The following FAAH2 variants were observed in gnomAD, a reference collection of about 807,000 sequenced individuals.
FAAH2 encodes fatty acid amide hydrolase 2.
In FAAH2, 60 loss-of-function variants were observed where a neutral mutation model predicts 36.9. The observed-to-expected ratio is 1.63, with a 90% confidence interval of 1.32 to 2.02. The LOEUF (loss-of-function observed/expected upper bound fraction) is 2.02. Ranked by LOEUF, FAAH2 falls within the 30% of genes most tolerant of loss-of-function variation. FAAH2 has a pLI of 0.00. For missense variants in FAAH2, 689 were observed against 397.5 expected, an observed-to-expected ratio of 1.73 and a Z score of -6.23; for synonymous variants, 214 against 143.8, an observed-to-expected ratio of 1.49 and a Z score of -3.49.
At chrX:57,486,424 A>G (rs2057475277) in intron 10 of FAAH2, among the ~76,000 whole-genome samples, 1 of 111,595 alleles carries the variant, frequency 9.0e-6, no homozygotes, top group East Asian at 2.8e-4. Flanking sequence ...TACATAAGGA[A>G]GCTGGCTAGG....
At chrX:57,253,830 T>C in the FAAH2 span, among the ~76,000 whole-genome samples, 2 of 111,762 alleles carry the variant, frequency 1.8e-5, no homozygotes, top group Non-Finnish European at 3.8e-5. Context: ...TGCCAAATTG[T>C]AAAGACCATC....
intron 8 of FAAH2, among the ~76,000 whole-genome samples, chrX:57,433,979 A>G (rs2056357665): frequency 8.9e-6 from 1 of 112,039 alleles, no homozygotes; most frequent in Middle Eastern, 4.6e-3. Flanking sequence ...TCAAATTAAA[A>G]CAATAATTCT....
At chrX:57,146,063 C>T in the FAAH2 span, among the ~76,000 whole-genome samples, 3 of 106,897 alleles carry the variant, frequency 2.8e-5, no homozygotes, top group Non-Finnish European at 5.8e-5. Flanking sequence ...TTTTTTGGTT[C>T]CATATGAATT....
At chrX:57,417,893 C>T (rs1361824540) in intron 7 of FAAH2, among the ~76,000 whole-genome samples, 1 of 112,025 alleles carries the variant, frequency 8.9e-6, no homozygotes, top group Admixed American at 9.5e-5. Flanking sequence ...AAGCTGCTGA[C>T]TGGGGCTGTT....
chrX:57,150,054 A>G, the FAAH2 span, among the ~76,000 whole-genome samples: 1 of 112,105 alleles, frequency 8.9e-6, no homozygotes, highest in Non-Finnish European at 1.9e-5. Flanking sequence ...TTCAGTTTAC[A>G]TGTAGTTGAA....
At chrX:57,171,101 A>G in the FAAH2 span, among the ~76,000 whole-genome samples, 1 of 111,069 alleles carries the variant, frequency 9.0e-6, no homozygotes, top group Admixed American at 9.6e-5. Flanking sequence ...TTCTTTTTTT[A>G]TGGTTGAGTA....
At chrX:57,206,972 T>C in the FAAH2 span, among the ~76,000 whole-genome samples, 1 of 111,850 alleles carries the variant, frequency 8.9e-6, no homozygotes. Context: ...GTGGCCATCA[T>C]TCTATGCAAA....
intron 7 of FAAH2, among the ~76,000 whole-genome samples, chrX:57,413,412 A>G (rs1002654262): frequency 8.9e-6 from 1 of 112,128 alleles, no homozygotes; most frequent in South Asian, 3.7e-4. Context: ...AGGTGTAAGT[A>G]AGGAGTCCAG....
chrX:57,419,747 T>C (rs1208862516), intron 7 of FAAH2, among the ~76,000 whole-genome samples: 1 of 111,614 alleles, frequency 9.0e-6, no homozygotes, highest in Non-Finnish European at 1.9e-5. Context: ...TCAATTTAGG[T>C]TTTTGTTGCC....
At chrX:57,303,904 C>T (rs1602213274) in intron 2 of FAAH2, among the ~76,000 whole-genome samples, 1 of 111,936 alleles carries the variant, frequency 8.9e-6, no homozygotes, top group Non-Finnish European at 1.9e-5. Flanking sequence ...GTTCCTATGA[C>T]TCAATTAAAA....
At chrX:57,124,965 C>T in the FAAH2 span, among the ~76,000 whole-genome samples, 1 of 112,395 alleles carries the variant, frequency 8.9e-6, no homozygotes, top group Admixed American at 9.4e-5. Flanking sequence ...CATAATTTGA[C>T]TTCCTCTTTT....
intron 4 of FAAH2, among the ~76,000 whole-genome samples, chrX:57,338,756 A>G (rs1244237007): frequency 1.8e-5 from 2 of 111,344 alleles, no homozygotes; most frequent in African/African-American, 6.5e-5. Flanking sequence ...GAAATCAGAT[A>G]GGACACAAAC....
chrX:57,292,631 C>T, intron 2 of FAAH2, 51 bp downstream of exon 2: 1 of 1,020,377 alleles, frequency 9.8e-7, no homozygotes. Flanking sequence ...TTTTGTTCTA[C>T]TTCTGTGGTC....
intron 2 of FAAH2, among the ~76,000 whole-genome samples, chrX:57,307,579 TTAAC>T (rs1245460311): frequency 9.0e-6 from 1 of 111,626 alleles, no homozygotes; most frequent in African/African-American, 3.2e-5. Context: ...TACATATTAT[TTAAC>T]TAAATATGTC....
At chrX:57,382,553 T>G (rs908549907) in intron 7 of FAAH2, among the ~76,000 whole-genome samples, 1 of 111,701 alleles carries the variant, frequency 9.0e-6, no homozygotes, top group Non-Finnish European at 1.9e-5. Flanking sequence ...AACATCTCTA[T>G]GCAAATAAAC....
At chrX:57,246,773 A>G in the FAAH2 span, among the ~76,000 whole-genome samples, 3 of 111,843 alleles carry the variant, frequency 2.7e-5, no homozygotes, top group African/African-American at 6.5e-5. Flanking sequence ...TTTTCTTGAC[A>G]TGGTGAGTAT....
intron 10 of FAAH2, among the ~76,000 whole-genome samples, chrX:57,462,416 A>G (rs1359081769): frequency 9.0e-6 from 1 of 111,590 alleles, no homozygotes; most frequent in Non-Finnish European, 1.9e-5. Flanking sequence ...TCAATAAAAT[A>G]CTGGCAAACC....
At position 57,349,518 on chromosome X, in the gene FAAH2, A is replaced by T. The variant is rs1307553122; in HGVS notation, c.742+8128A>T. On this transcript the variant is annotated intron_variant, in intron 5 of 10. Transcript: ENST00000374900. Reference sequence around the variant, plus strand: ...ATATATACATATATACACATATATAATGTTTTATACACATATATATTTTAA... The same window carrying T: ...ATATATACATATATACACATATATATTGTTTTATACACATATATATTTTAA... Among the ~76,000 whole-genome samples, 4 of 103,077 alleles carry T rather than the reference A, an allele frequency of 3.9e-5. No homozygotes were observed. In the East Asian group the frequency reaches 1.2e-3, roughly 31 times the overall value. The allele number at this position is 103,077 out of a possible 115,157, so 89.5% of individuals were successfully genotyped here. A position where few individuals can be genotyped will look rare whatever the true frequency, so the allele number is the denominator to read the frequency against.
chrX:57,232,770 G>T, the FAAH2 span, among the ~76,000 whole-genome samples: 2 of 112,101 alleles, frequency 1.8e-5, no homozygotes, highest in Admixed American at 9.4e-5. Context: ...TCATTGGCAT[G>T]CATGTAGTCC....
Sources: gnomAD v4.1 joint callset for allele counts (sites outside exome capture counted in the v4.1 genomes callset) on GRCh38, gnomAD v4.1.1 for gene constraint, MANE v1.5 for transcripts, NCBI Gene and HGNC (gene_info 2026-07-23, HGNC 2026-07-21) for gene names.